ATP5F1A: variants seen among roughly 807,000 people sequenced by gnomAD.
ATP5F1A encodes ATP synthase F1 subunit alpha.
A neutral mutation model predicts 57.4 loss-of-function variants in ATP5F1A; 24 were observed. The ratio of observed to expected loss-of-function variants is 0.42; its 90% CI spans 0.30 to 0.59. The LOEUF (loss-of-function observed/expected upper bound fraction) is 0.59, where lower values mean the gene tolerates loss of function less well. ATP5F1A is among the 20% of genes least tolerant of loss of function. The pLI, the probability that ATP5F1A is intolerant of heterozygous loss-of-function variation, is 0.19. For missense variants in ATP5F1A, 494 were observed against 707.9 expected, an observed-to-expected ratio of 0.70 and a Z score of 3.43; for synonymous variants, 251 against 255.5, an observed-to-expected ratio of 0.98 and a Z score of 0.17.
intron 2 of ATP5F1A, chr18:46,094,773 T>C: frequency 3.5e-6 from 1 of 283,638 alleles, no homozygotes; most frequent in Non-Finnish European, 6.3e-6. Flanking sequence ...AAAGATTCCA[T>C]TACCTAGTGT....
In ATP5F1A at chr18:46,086,362, T is replaced by C. The variant is rs758860400; in HGVS notation, c.1284+25A>G. The C allele has an allele frequency of 3.1e-6, 5 of 1,613,606 alleles. No individual in the cohort carries two copies. In the East Asian group the frequency reaches 6.7e-5, roughly 22 times the overall value. On this transcript the variant is annotated intron_variant, in intron 9 of 11. Transcript: ENST00000398752. ...GATGCTAATCTAATGATAGCCCCCT[T>C]ACTGCCAAAGTGATGCAAAATTACC...
chr18:46,098,030 T>C (rs1036920977), intron 1 of ATP5F1A, 142 bp downstream of exon 1: 3 of 1,428,932 alleles, frequency 2.1e-6, no homozygotes, highest in African/African-American at 1.5e-5. Flanking sequence ...TCGCCTGCTC[T>C]GTCCAGCCGG....
chr18:46,095,109 G>A lies in ATP5F1A; in HGVS notation c.83C>T (p.Ser28Leu), dbSNP rs775590957. ...GAAGTTCCTTGCAGCAATGAAAGAT[G>A]AACCCAAAGCATTTCTGGAGACCTA... ...AGLVSRNALG[S>L]SFIAARNFHA... The change falls in exon 2 of 12, where the codon TCA becomes TTA. Residue 28 changes from serine to leucine, a missense_variant. Physicochemically the swap from Ser to Leu is moderately radical, Grantham distance 145 (BLOSUM62 -2). Transcript: ENST00000398752. 6.2e-7 allele frequency: 1 copy of A among 1,613,634 alleles called. No homozygotes were observed. Among genetic ancestry groups the A allele is most frequent in the Admixed American group, 1.7e-5 (1 of 59,882 alleles).
At chr18:46,087,968 T>C (rs1305168885) in intron 6 of ATP5F1A, 141 bp downstream of exon 6, 1 of 850,282 alleles carries the variant, frequency 1.2e-6, no homozygotes, top group East Asian at 2.6e-5. Flanking sequence ...TGTTTTACAT[T>C]GTCTTACCTA....
At chr18:46,092,243 C>T (rs1374765618) in intron 2 of ATP5F1A, 2 of 149,220 alleles carry the variant, frequency 1.3e-5, no homozygotes, top group African/African-American at 4.9e-5. Flanking sequence ...ATCTGGTCCT[C>T]GGATCTTTTC....
At chr18:46,087,600 C>A (rs2144180401) in intron 6 of ATP5F1A, 108 bp from the exon 7 acceptor site, 1 of 1,320,800 alleles carries the variant, frequency 7.6e-7, no homozygotes, top group South Asian at 1.4e-5. Context: ...GTTAATCAGG[C>A]CAGGCGCAGT....
In ATP5F1A at chr18:46,087,330, T is replaced by C; in HGVS notation, c.951+11A>G. 2 of 1,612,354 alleles carry C rather than the reference T, an allele frequency of 1.2e-6. No individual in the cohort carries two copies. The highest frequency in any genetic ancestry group is 4.5e-5 in the East Asian group (2 of 44,878). On this transcript the variant is annotated intron_variant, in intron 7 of 11. Transcript: ENST00000398752. ...CAAATAAATGGATTCTAAAAATTTA[T>C]TTCCTTTGACCTGTTTGGATAAGTC...
At chr18:46,099,775 C>G (rs1235740321), upstream of ATP5F1A, among the ~76,000 whole-genome samples, 1 of 152,162 alleles carries the variant, frequency 6.6e-6, no homozygotes, top group East Asian at 1.9e-4. Context: ...TCCCCCAAAT[C>G]CTGGCTTACA....
chr18:46,096,997 A>C lies in ATP5F1A; in HGVS notation c.60+1175T>G, dbSNP rs1230843375. On this transcript the variant is annotated intron_variant, in intron 1 of 11. Coordinates refer to ENST00000398752, the MANE Select transcript of ATP5F1A (RefSeq NM_004046.6). ...GACACCATCTCAAAAAAAAAAAAAA[A>C]AAAAAAAAACAAGCAAACAAAAACT... is the stretch of plus-strand genomic sequence containing the variant. Among the ~76,000 whole-genome samples, 7 of 151,698 alleles carry C rather than the reference A, an allele frequency of 4.6e-5. No homozygotes were observed. The East Asian group carries it at 9.7e-4, about 21-fold the overall frequency.
intron 1 of ATP5F1A, among the ~76,000 whole-genome samples, chr18:46,096,500 CAA>C (rs770383471): frequency 1.4e-4 from 10 of 70,630 alleles, no homozygotes; most frequent in Admixed American, 5.7e-4. Flanking sequence ...AACTCCGTCT[CAA>C]AAAAAAAAAA....
chr18:46,087,591 T>A, intron 6 of ATP5F1A, 99 bp from the exon 7 acceptor site: 1 of 1,400,922 alleles, frequency 7.1e-7, no homozygotes, highest in Non-Finnish European at 9.7e-7. Flanking sequence ...CCATTAAGAG[T>A]TAATCAGGCC....
intron 1 of ATP5F1A, among the ~76,000 whole-genome samples, chr18:46,096,293 G>C (rs1910944788): frequency 6.6e-6 from 1 of 151,232 alleles, no homozygotes; most frequent in African/African-American, 2.4e-5. Context: ...CTAAGGTCGG[G>C]AGTTGGAGAC....
intron 5 of ATP5F1A, 134 bp downstream of exon 5, chr18:46,089,432 A>T: frequency 1.8e-6 from 2 of 1,117,084 alleles, no homozygotes; most frequent in Non-Finnish European, 2.5e-6. Context: ...TTCACTTCCC[A>T]GCTGAAATTT....
chr18:46,095,457 G>A (rs1910873485), intron 1 of ATP5F1A, among the ~76,000 whole-genome samples: 14 of 152,032 alleles, frequency 9.2e-5, no homozygotes, highest in Admixed American at 9.2e-4. Context: ...TGGGACTACA[G>A]GGGTGCGCCA....
At chr18:46,095,295 T>A in intron 1 of ATP5F1A, 164 bp from the exon 2 acceptor site, 1 of 638,666 alleles carries the variant, frequency 1.6e-6, no homozygotes, top group Non-Finnish European at 2.7e-6. Context: ...GCTTTTGATA[T>A]ATGTGAAAAC....
At chr18:46,097,787 T>C in intron 1 of ATP5F1A, 5 of 1,042,324 alleles carry the variant, frequency 4.8e-6, no homozygotes, top group Non-Finnish European at 5.8e-6. Flanking sequence ...AGCAGTTTTC[T>C]GACCTTCAGC....
In ATP5F1A at chr18:46,098,058, G is replaced by A. The variant is rs56181324; in HGVS notation, c.60+114C>T. 0.39 allele frequency: 565,091 copies of A among 1,440,810 alleles called. 116,455 individuals carry two copies. Among genetic ancestry groups the A allele is most frequent in the Middle Eastern group, 0.47 (1,856 of 3,936 alleles). 89.3% of individuals were successfully genotyped at this position (1,440,810 alleles called of 1,614,324 possible). A position where few individuals can be genotyped will look rare whatever the true frequency, so the allele number is the denominator to read the frequency against. On this transcript the variant is annotated intron_variant, in intron 1 of 11. Transcript: ENST00000398752. The stretch of plus-strand genomic sequence containing the variant: ...CCAGCCGGAGAAGCCACGGGTGCAA[G>A]ATGGCGGCATTCGCCACAGCCCCTC...
chr18:46,091,635 GAGA>G (rs1370429311), intron 3 of ATP5F1A, 44 bp downstream of exon 3: 1 of 1,486,358 alleles, frequency 6.7e-7, no homozygotes, highest in Non-Finnish European at 9.0e-7. Flanking sequence ...ATGAATAACT[GAGA>G]AGACTTAGAT....
chr18:46,098,500 T>TA, upstream of ATP5F1A: 1 of 1,098,532 alleles, frequency 9.1e-7, no homozygotes, highest in Non-Finnish European at 1.2e-6. Flanking sequence ...TCGTTATACA[T>TA]TTATTTTGGT....
Sources: gnomAD v4.1 joint callset for allele counts (sites outside exome capture counted in the v4.1 genomes callset) on GRCh38, gnomAD v4.1.1 for gene constraint, MANE v1.5 for transcripts, NCBI Gene and HGNC (gene_info 2026-07-23, HGNC 2026-07-21) for gene names.